GPR137C: variants seen among roughly 807,000 people sequenced by gnomAD.
GPR137C encodes the protein G protein-coupled receptor 137C, also known as integral membrane protein GPR137C.
Under a neutral mutation model 43.4 loss-of-function variants are expected in GPR137C, and 27 were observed. The observed-to-expected ratio is 0.62, with a 90% CI of 0.46 to 0.86. The LOEUF (loss-of-function observed/expected upper bound fraction) is 0.86. GPR137C is among the 40% of genes least tolerant of loss of function. The pLI is 0.00. For synonymous variants in GPR137C, 285 were observed against 226.9 expected (o/e 1.26, Z -2.30); for missense variants, 522 against 534.6 (o/e 0.98, Z 0.23).
chr14:52,574,087 G>T (rs1405171209), intron 1 of GPR137C, among the ~76,000 whole-genome samples: 1 of 151,898 alleles, frequency 6.6e-6, no homozygotes, highest in Non-Finnish European at 1.5e-5. Flanking sequence ...TGGAGAGCAT[G>T]TGGAGAAATA....
intron 1 of GPR137C, among the ~76,000 whole-genome samples, chr14:52,584,147 A>G (rs1423184491): frequency 6.6e-6 from 1 of 152,096 alleles, no homozygotes; most frequent in African/African-American, 2.4e-5. Context: ...ACATTTTCCA[A>G]TTCTAAATTA....
intron 3 of GPR137C, among the ~76,000 whole-genome samples, chr14:52,625,957 C>T (rs972304651): frequency 1.3e-5 from 2 of 151,920 alleles, no homozygotes; most frequent in South Asian, 2.1e-4. Flanking sequence ...GTCCTACATC[C>T]GTGGATTCAA....
At chr14:52,612,166 A>G (rs2039045333) in intron 3 of GPR137C, 2 of 983,650 alleles carry the variant, frequency 2.0e-6, no homozygotes, top group Admixed American at 6.2e-5. Context: ...AAACTTGGCA[A>G]TATGAAAGAA....
chr14:52,585,372 C>G (rs183618544), intron 1 of GPR137C, among the ~76,000 whole-genome samples: 87 of 151,018 alleles, frequency 5.8e-4, no homozygotes, highest in African/African-American at 1.9e-3. Context: ...TGCTCTCGCT[C>G]TCACTTGCTC....
At chr14:52,626,693 T>C (rs1326016292) in intron 3 of GPR137C, among the ~76,000 whole-genome samples, 2 of 152,132 alleles carry the variant, frequency 1.3e-5, no homozygotes, top group Non-Finnish European at 2.9e-5. Flanking sequence ...CTGTCTCTAA[T>C]TGCAGATAAC....
chr14:52,569,629 G>A (rs2038433447), intron 1 of GPR137C, among the ~76,000 whole-genome samples: 1 of 151,768 alleles, frequency 6.6e-6, no homozygotes, highest in African/African-American at 2.4e-5. Flanking sequence ...AACAGCATGA[G>A]AACTTCGTGA....
chr14:52,624,103 AT>A (rs1162592801), intron 3 of GPR137C, among the ~76,000 whole-genome samples: 26 of 151,504 alleles, frequency 1.7e-4, no homozygotes, highest in Admixed American at 1.6e-3. Context: ...TTCTAATTAA[AT>A]TTTTTTAAGT....
At chr14:52,607,874 C>CAA (rs1196369084) in intron 3 of GPR137C, among the ~76,000 whole-genome samples, 1 of 122,500 alleles carries the variant, frequency 8.2e-6, no homozygotes, top group Non-Finnish European at 1.8e-5. Context: ...GACTCTGTCT[C>CAA]AAAAAAAAAA....
intron 1 of GPR137C, among the ~76,000 whole-genome samples, chr14:52,567,220 C>A (rs2038384807): frequency 6.6e-6 from 1 of 152,152 alleles, no homozygotes; most frequent in Non-Finnish European, 1.5e-5. Flanking sequence ...TGCGTAACTT[C>A]TCTGTATCAT....
chr14:52,557,525 A>G (rs931052808), intron 1 of GPR137C, among the ~76,000 whole-genome samples: 1 of 152,198 alleles, frequency 6.6e-6, no homozygotes. Context: ...GTTTAGTTCA[A>G]TGTTTGACTT....
intron 1 of GPR137C, among the ~76,000 whole-genome samples, chr14:52,559,505 A>G (rs2038247217): frequency 6.6e-6 from 1 of 152,232 alleles, no homozygotes; most frequent in Non-Finnish European, 1.5e-5. Context: ...TCAACCATAG[A>G]TGATTTTTTA....
At chr14:52,576,583 GTAA>G (rs2038556123) in intron 1 of GPR137C, among the ~76,000 whole-genome samples, 1 of 152,166 alleles carries the variant, frequency 6.6e-6, no homozygotes, top group Admixed American at 6.5e-5. Context: ...AGAGAGCAAC[GTAA>G]TAATACTGGA....
chr14:52,578,995 C>T (rs1019976464), intron 1 of GPR137C, among the ~76,000 whole-genome samples: 3 of 151,776 alleles, frequency 2.0e-5, no homozygotes, highest in South Asian at 2.1e-4. Context: ...GAGATATGTA[C>T]GCTCTGAGCT....
At chr14:52,591,653 C>T (rs1447492788) in intron 1 of GPR137C, among the ~76,000 whole-genome samples, 1 of 152,104 alleles carries the variant, frequency 6.6e-6, no homozygotes, top group African/African-American at 2.4e-5. Flanking sequence ...ATATCCTTCG[C>T]CCACTTTTTG....
At chr14:52,568,946 AAG>A (rs2038418881) in intron 1 of GPR137C, among the ~76,000 whole-genome samples, 3 of 152,210 alleles carry the variant, frequency 2.0e-5, no homozygotes, top group Non-Finnish European at 2.9e-5. Flanking sequence ...GAGCTCTGCT[AAG>A]GGACAGACTG....
chr14:52,610,212 A>G (rs140109718), intron 3 of GPR137C, among the ~76,000 whole-genome samples: 21 of 152,302 alleles, frequency 1.4e-4, no homozygotes, highest in African/African-American at 4.8e-4. Flanking sequence ...AAAATTATTT[A>G]TTCATTTATT....
At chr14:52,602,693 C>T (rs1191034365) in intron 3 of GPR137C, among the ~76,000 whole-genome samples, 1 of 152,078 alleles carries the variant, frequency 6.6e-6, no homozygotes, top group African/African-American at 2.4e-5. Flanking sequence ...ATCCCTTCTC[C>T]CCCAACTCTA....
intron 1 of GPR137C, chr14:52,596,848 C>G (rs1215771630): frequency 6.7e-6 from 3 of 448,748 alleles, no homozygotes; most frequent in Non-Finnish European, 1.3e-5. Context: ...CAACCAGTCC[C>G]AATGAGATGA....
At chr14:52,591,001 G>A (rs2038775914) in intron 1 of GPR137C, among the ~76,000 whole-genome samples, 1 of 127,082 alleles carries the variant, frequency 7.9e-6, no homozygotes, top group African/African-American at 3.0e-5. Context: ...CCCCTTATAG[G>A]CCCCAGTGTG....
Sources: gnomAD v4.1 joint callset for allele counts (sites outside exome capture counted in the v4.1 genomes callset) on GRCh38, gnomAD v4.1.1 for gene constraint, MANE v1.5 for transcripts, NCBI Gene and HGNC (gene_info 2026-07-23, HGNC 2026-07-21) for gene names.